ZFYVE1: variants seen among roughly 807,000 people sequenced by gnomAD.
ZFYVE1 encodes the protein zinc finger FYVE domain-containing protein 1.
ZFYVE1 carries 30 observed loss-of-function variants against 74.4 expected under a neutral mutation model. That is an observed-to-expected ratio of 0.40 (90% CI 0.30 to 0.55). ZFYVE1 has a LOEUF of 0.55. ZFYVE1 is among the 20% of genes least tolerant of loss of function. The pLI is 0.42. For missense variants in ZFYVE1, 703 were observed against 1,011.6 expected (o/e 0.69, Z 4.14); for synonymous variants, 335 against 385.1 (o/e 0.87, Z 1.52).
At chr14:73,009,556 A>C (rs1219236993) in intron 2 of ZFYVE1, among the ~76,000 whole-genome samples, 1 of 152,220 alleles carries the variant, frequency 6.6e-6, no homozygotes, top group African/African-American at 2.4e-5. Context: ...GGAGTTCGAG[A>C]CCAGCCTGAC....
At position 72,981,643 on chromosome 14, in the gene ZFYVE1, G is replaced by C. The variant is rs1893332585; in HGVS notation, c.1310+146C>G. On this transcript the variant is annotated intron_variant, in intron 5 of 11. Transcript: ENST00000556143. Reference sequence around the variant, plus strand: ...ACCAGGATCTTGTGGGAACATGGGAGTGTACCATTTTGGATAATTTAAATC... The same window carrying C: ...ACCAGGATCTTGTGGGAACATGGGACTGTACCATTTTGGATAATTTAAATC... 8.3e-6 allele frequency: 6 copies of C among 722,870 alleles called. No homozygotes were observed. The East Asian group carries it at 1.6e-4, about 19-fold the overall frequency. 44.8% of individuals were successfully genotyped at this position (722,870 alleles called of 1,614,324 possible). A position where few individuals can be genotyped will look rare whatever the true frequency, so the allele number is the denominator to read the frequency against.
intron 11 of ZFYVE1, 110 bp downstream of exon 11, chr14:72,973,970 A>G: frequency 1.2e-6 from 1 of 839,754 alleles, no homozygotes; most frequent in Non-Finnish European, 2.0e-6. Flanking sequence ...TGATTCCTTT[A>G]CCACCCATCT....
rs1200782172 is a variant in ZFYVE1, at chr14:73,024,467, C to T, written c.42G>A (p.Pro14=). 22 of 1,612,872 alleles carry T rather than the reference C, an allele frequency of 1.4e-5. No individual in the cohort carries two copies. Among genetic ancestry groups the T allele is most frequent in the Admixed American group, 1.7e-5 (1 of 59,904 alleles). Residue 14 remains proline, a synonymous_variant, in exon 2 of 12, where the codon CCG becomes CCA. Coordinates refer to ENST00000556143, the MANE Select transcript of ZFYVE1 (RefSeq NM_021260.4). ...QTSPAEKGLN[P]GLMCQESYAC... ...CGTAACTTTCCTGGCACATCAGCCC[C>T]GGATTCAGGCCCTTCTCTGCTGGGG...
Position 73,024,715 on chromosome 14 carries a change from A to G in ZFYVE1, c.-207T>C, listed in dbSNP as rs1894419858. On this transcript the variant is annotated 5_prime_UTR_variant, in exon 2 of 12. It removes the in-frame stop codon of an upstream open reading frame in the 5' UTR. Transcript: ENST00000556143. ...TTGCTGCCTCTAAGACTCTTGTATTAGCAGCAACGTTGATTTGGTTTGATG... is the reference window on the plus strand; with the variant it reads ...TTGCTGCCTCTAAGACTCTTGTATTGGCAGCAACGTTGATTTGGTTTGATG... The G allele has an allele frequency of 7.7e-6, 5 of 651,122 alleles. No homozygotes were observed. Among genetic ancestry groups the G allele is most frequent in the Non-Finnish European group, 1.2e-5 (5 of 413,264 alleles). The allele number at this position is 651,122 out of a possible 1,614,324, so 40.3% of individuals were successfully genotyped here.
intron 4 of ZFYVE1, among the ~76,000 whole-genome samples, chr14:72,988,901 T>A (rs78082570): frequency 1.1e-4 from 16 of 150,032 alleles, no homozygotes; most frequent in Admixed American, 2.7e-4. Flanking sequence ...TACACGCACA[T>A]GCACTTTTAC....
intron 2 of ZFYVE1, among the ~76,000 whole-genome samples, chr14:73,018,363 G>A (rs1052952993): frequency 6.6e-6 from 1 of 150,520 alleles, no homozygotes; most frequent in African/African-American, 2.4e-5. Flanking sequence ...CCCGGGAGGC[G>A]GAGGTTGCAG....
Position 72,975,456 on chromosome 14 carries a change from G to T in ZFYVE1, c.1806+95C>A. 1 of 1,461,774 alleles carries T rather than the reference G, an allele frequency of 6.8e-7. No homozygotes were observed. Among genetic ancestry groups the T allele is most frequent in the Non-Finnish European group, 9.2e-7 (1 of 1,092,348 alleles). The allele number at this position is 1,461,774 out of a possible 1,614,324, so 90.6% of individuals were successfully genotyped here. A position where few individuals can be genotyped will look rare whatever the true frequency, so the allele number is the denominator to read the frequency against. On this transcript the variant is annotated intron_variant, in intron 9 of 11. Coordinates refer to ENST00000556143, the MANE Select transcript of ZFYVE1 (RefSeq NM_021260.4). This position sits in a 1 kb window ranked among gnomAD's most constrained non-coding sequence, Gnocchi z 4.1. ...CTCACTGCACTGGCAGAAAATGTTT[G>T]CGTCTCCCTCACAGAACAAGCTTAG... is the stretch of plus-strand genomic sequence containing the variant.
chr14:72,969,748 A>G lies in ZFYVE1; in HGVS notation c.*1134T>C. 1 of 702,696 alleles carries G rather than the reference A, an allele frequency of 1.4e-6. No homozygotes were observed. Among genetic ancestry groups the G allele is most frequent in the Non-Finnish European group, 2.6e-6 (1 of 384,818 alleles). 43.5% of individuals were successfully genotyped at this position (702,696 alleles called of 1,614,324 possible). ...CCCTTTCCAGTCATGACAGACAGAG[A>G]TGTCCAGGCTCTTGAGGAGAAACAA... On this transcript the variant is annotated 3_prime_UTR_variant, in exon 12 of 12. Transcript: ENST00000556143.
chr14:72,973,689 G>A (rs1893093374), intron 11 of ZFYVE1, among the ~76,000 whole-genome samples: 2 of 152,168 alleles, frequency 1.3e-5, no homozygotes, highest in Non-Finnish European at 2.9e-5. Flanking sequence ...CACCCAGCTT[G>A]TAAGTGAGGT....
Position 72,997,954 on chromosome 14 carries a change from T to A in ZFYVE1, c.845A>T (p.Asp282Val), listed in dbSNP as rs758153645. 2 of 1,614,064 alleles carry A rather than the reference T, an allele frequency of 1.2e-6. No individual in the cohort carries two copies. Among genetic ancestry groups the A allele is most frequent in the Non-Finnish European group, 1.7e-6 (2 of 1,180,012 alleles). The change falls in exon 3 of 12, where the codon GAT (aspartate) becomes GTT (valine). Residue 282 changes from aspartate to valine, a missense_variant. Coordinates refer to ENST00000556143, the MANE Select transcript of ZFYVE1 (RefSeq NM_021260.4). ...LHNDLFKFLG[D>V]ASEAYLKHFT... ...GTGCTTCAGATAAGCTTCTGAGGCA[T>A]CCCCAAGGAATTTGAAGAGGTCGTT...
chr14:72,984,193 A>G (rs1159683565), intron 4 of ZFYVE1, among the ~76,000 whole-genome samples: 3 of 152,170 alleles, frequency 2.0e-5, no homozygotes, highest in African/African-American at 4.8e-5. Flanking sequence ...GGTCTGACAA[A>G]TAATGCATAA....
chr14:72,974,990 C>A lies in ZFYVE1; in HGVS notation c.1807-31G>T, dbSNP rs992141551. Reference sequence around the variant, plus strand: ...CCAAGCCCAAAACAAAACAGAGAGGCAGGTAGGTATGGTACATGTCTGCTC... The same window carrying A: ...CCAAGCCCAAAACAAAACAGAGAGGAAGGTAGGTATGGTACATGTCTGCTC... On this transcript the variant is annotated intron_variant, in intron 9 of 11. Coordinates refer to ENST00000556143, the MANE Select transcript of ZFYVE1 (RefSeq NM_021260.4). 2.5e-6 allele frequency: 4 copies of A among 1,587,184 alleles called. No homozygotes were observed. In the Admixed American group the frequency reaches 5.1e-5, roughly 20 times the overall value.
At chr14:72,998,885 AG>A (rs1893810624) in intron 2 of ZFYVE1, among the ~76,000 whole-genome samples, 1 of 151,872 alleles carries the variant, frequency 6.6e-6, no homozygotes, top group Non-Finnish European at 1.5e-5. Context: ...GGGCCAAGTG[AG>A]GTGACTCAGG....
Position 72,970,805 on chromosome 14 carries a change from G to T in ZFYVE1, c.*77C>A. The T allele has an allele frequency of 6.8e-7, 1 of 1,461,662 alleles. No homozygotes were observed. The highest frequency in any genetic ancestry group is 9.4e-7 in the Non-Finnish European group (1 of 1,069,180). The allele number at this position is 1,461,662 out of a possible 1,614,324, so 90.5% of individuals were successfully genotyped here. A position where few individuals can be genotyped will look rare whatever the true frequency, so the allele number is the denominator to read the frequency against. On this transcript the variant is annotated 3_prime_UTR_variant, in exon 12 of 12. Transcript: ENST00000556143. ...CACACACCACAGCAGGTGACTGGGAGGAGGGCCTACCTCGCAAGACTGTTT... is the reference window on the plus strand; with the variant it reads ...CACACACCACAGCAGGTGACTGGGATGAGGGCCTACCTCGCAAGACTGTTT...
intron 2 of ZFYVE1, among the ~76,000 whole-genome samples, chr14:73,015,663 C>A (rs936504897): frequency 6.6e-6 from 1 of 152,134 alleles, no homozygotes; most frequent in Non-Finnish European, 1.5e-5. Context: ...GGATTACAGG[C>A]GTGAGCCACC....
At chr14:72,995,419 G>A (rs1893721656) in intron 3 of ZFYVE1, among the ~76,000 whole-genome samples, 1 of 152,154 alleles carries the variant, frequency 6.6e-6, no homozygotes, top group African/African-American at 2.4e-5. Context: ...TTTTTGTAGA[G>A]TCAGAGTCTT....
At chr14:72,995,461 G>C (rs143681077) in intron 3 of ZFYVE1, among the ~76,000 whole-genome samples, 108 of 147,502 alleles carry the variant, frequency 7.3e-4, no homozygotes, top group African/African-American at 2.4e-3. Context: ...TCAAACTCCT[G>C]GGCTCTAGTG....
In ZFYVE1 at chr14:73,024,539, TATA is replaced by T. The variant is rs1200353978; in HGVS notation, c.-34_-32del. On this transcript the variant is annotated 5_prime_UTR_variant, in exon 2 of 12. Transcript: ENST00000556143. The stretch of plus-strand genomic sequence containing the variant: ...CGCTGGTAAGGAAACACACCCACCA[TATA>T]ATAGTCACTGAGCTTGCCCCGGGGG... 5 of 1,548,644 alleles carry T rather than the reference TATA, an allele frequency of 3.2e-6. No individual in the cohort carries two copies. The highest frequency in any genetic ancestry group is 4.4e-6 in the Non-Finnish European group (5 of 1,148,226).
At chr14:73,006,799 T>C (rs1341926976) in intron 2 of ZFYVE1, among the ~76,000 whole-genome samples, 4 of 135,796 alleles carry the variant, frequency 2.9e-5, no homozygotes, top group Non-Finnish European at 6.2e-5. Context: ...TACTGCAACC[T>C]CTGCTTCCCT....
Sources: allele counts gnomAD v4.1 joint callset (sites outside exome capture counted in the v4.1 genomes callset), GRCh38; gene constraint gnomAD v4.1.1; non-coding constraint Gnocchi (gnomAD v3.1); transcripts MANE v1.5; gene names NCBI Gene and HGNC (gene_info 2026-07-23, HGNC 2026-07-21).